GRIA3: variants seen among roughly 807,000 people sequenced by gnomAD.
GRIA3 encodes the protein glutamate receptor 3.
Under a neutral mutation model 63.0 loss-of-function variants are expected in GRIA3, and 3 were observed. That is an observed-to-expected ratio of 0.05 (90% CI 0.02 to 0.12). The LOEUF is 0.12. GRIA3 is among the 10% of genes least tolerant of loss of function. The probability of loss-of-function intolerance (pLI) is 1.00; values close to 1 mark genes in which losing one functional copy is unlikely to be tolerated. For synonymous variants in GRIA3, 274 were observed against 257.9 expected (o/e 1.06, Z -0.60); for missense variants, 347 against 700.9 (o/e 0.50, Z 5.70).
chrX:123,284,480 T>C (rs1020075282), intron 3 of GRIA3, among the ~76,000 whole-genome samples: 1 of 110,906 alleles, frequency 9.0e-6, no homozygotes, highest in Admixed American at 9.6e-5. Context: ...TTTAACCCAA[T>C]GCAAGGAAGC....
intron 4 of GRIA3, among the ~76,000 whole-genome samples, chrX:123,350,835 T>G (rs753871879): frequency 5.3e-5 from 6 of 112,499 alleles, no homozygotes; most frequent in African/African-American, 9.7e-5. Context: ...GATTGTGGCA[T>G]TTTTTTCTTT....
intron 3 of GRIA3, among the ~76,000 whole-genome samples, chrX:123,313,412 C>T (rs959507719): frequency 9.0e-6 from 1 of 111,201 alleles, no homozygotes; most frequent in African/African-American, 3.3e-5. Context: ...CTTAATATTA[C>T]CTTTGACAGC....
intron 2 of GRIA3, among the ~76,000 whole-genome samples, chrX:123,194,726 A>G (rs1927529137): frequency 8.9e-6 from 1 of 112,349 alleles, no homozygotes; most frequent in South Asian, 3.7e-4. Flanking sequence ...ACTAACGCAT[A>G]CTCAGTTTAG....
At chrX:123,186,768 A>AG (rs1287607412) in intron 2 of GRIA3, among the ~76,000 whole-genome samples, 1 of 111,595 alleles carries the variant, frequency 9.0e-6, no homozygotes, top group African/African-American at 3.3e-5. Flanking sequence ...TAGAGCAAAG[A>AG]GGGGGCAGGA....
At chrX:123,416,478 G>T (rs2045537148) in intron 10 of GRIA3, among the ~76,000 whole-genome samples, 1 of 112,029 alleles carries the variant, frequency 8.9e-6, no homozygotes, top group Non-Finnish European at 1.9e-5. Flanking sequence ...ACTTACTACT[G>T]TTGGAAAGGA....
intron 6 of GRIA3, among the ~76,000 whole-genome samples, chrX:123,397,987 G>T (rs1308427949): frequency 8.9e-6 from 1 of 111,786 alleles, no homozygotes; most frequent in Admixed American, 9.5e-5. Context: ...GCAAGAGGTG[G>T]CATCATGAAG....
At chrX:123,302,098 C>A (rs998730114) in intron 3 of GRIA3, among the ~76,000 whole-genome samples, 2 of 111,988 alleles carry the variant, frequency 1.8e-5, no homozygotes, top group Non-Finnish European at 1.9e-5. Context: ...AATGGTGTTT[C>A]TGTGCAAAGC....
intron 3 of GRIA3, among the ~76,000 whole-genome samples, chrX:123,301,733 T>C (rs1263145463): frequency 8.9e-6 from 1 of 111,742 alleles, no homozygotes; most frequent in Non-Finnish European, 1.9e-5. Context: ...TTCAACTCTT[T>C]ATTACATAAT....
At chrX:123,293,805 A>T (rs1030329502) in intron 3 of GRIA3, among the ~76,000 whole-genome samples, 1 of 110,887 alleles carries the variant, frequency 9.0e-6, no homozygotes, top group Non-Finnish European at 1.9e-5. Flanking sequence ...CCTCACGTAC[A>T]TTAACTCACT....
intron 5 of GRIA3, among the ~76,000 whole-genome samples, chrX:123,391,553 A>T (rs1285649670): frequency 9.0e-6 from 1 of 111,385 alleles, no homozygotes; most frequent in Admixed American, 9.5e-5. Flanking sequence ...CAGGTCAAAC[A>T]TACCTGTCCA....
At chrX:123,401,577 G>A (rs192360653) in intron 7 of GRIA3, among the ~76,000 whole-genome samples, 48 of 112,103 alleles carry the variant, frequency 4.3e-4, no homozygotes, top group African/African-American at 1.5e-3. Context: ...GCTAACAATA[G>A]TGCTTAGGTT....
chrX:123,255,739 A>G (rs1442397521), intron 3 of GRIA3, among the ~76,000 whole-genome samples: 6 of 109,411 alleles, frequency 5.5e-5, no homozygotes, highest in African/African-American at 2.0e-4. Context: ...AGTCAAAGAA[A>G]GCTTTCTGAC....
intron 5 of GRIA3, among the ~76,000 whole-genome samples, chrX:123,375,958 G>A (rs779141055): frequency 9.8e-5 from 11 of 112,405 alleles, no homozygotes; most frequent in Non-Finnish European, 1.7e-4. Flanking sequence ...CTCAAGAAAT[G>A]AAAAACTAGC....
At chrX:123,424,265 C>T in intron 11 of GRIA3, among the ~76,000 whole-genome samples, 1 of 111,603 alleles carries the variant, frequency 9.0e-6, no homozygotes, top group Non-Finnish European at 1.9e-5. Flanking sequence ...GGGATTGACC[C>T]ATCAGTCACT....
chrX:123,376,340 T>C (rs367904262), intron 5 of GRIA3, among the ~76,000 whole-genome samples: 2 of 112,094 alleles, frequency 1.8e-5, no homozygotes, highest in East Asian at 2.8e-4. Context: ...AGAAAAAAAA[T>C]TGGGCTTTCA....
intron 4 of GRIA3, among the ~76,000 whole-genome samples, chrX:123,333,498 A>T (rs2044954932): frequency 8.9e-6 from 1 of 111,774 alleles, no homozygotes; most frequent in African/African-American, 3.2e-5. Context: ...TTCTTTTTTA[A>T]GTATTTGTAA....
chrX:123,277,344 T>C (rs1217517330), intron 3 of GRIA3, among the ~76,000 whole-genome samples: 2 of 111,702 alleles, frequency 1.8e-5, no homozygotes, highest in Non-Finnish European at 3.8e-5. Flanking sequence ...TGCTATCAAA[T>C]AGTAGATATT....
At chrX:123,463,541 C>T (rs150249660) in intron 12 of GRIA3, among the ~76,000 whole-genome samples, 2,264 of 67,838 alleles carry the variant, frequency 0.033, 167 homozygotes, top group African/African-American at 0.17. Context: ...CAGAGTGAGA[C>T]GAAAGAAGCG....
chrX:123,401,023 G>A lies in GRIA3; in HGVS notation c.1081-1971G>A, dbSNP rs191381671. ...GAGGTAAAAAAATGTCTCTCATCTC[G>A]AGATGCTCCTAATCCAGTAGGAAAG... On this transcript the variant is annotated intron_variant, in intron 7 of 15. Coordinates refer to ENST00000620443, the MANE Select transcript of GRIA3 (RefSeq NM_007325.5). 1.9e-3 allele frequency among the ~76,000 whole-genome samples: 217 copies of A among 111,716 alleles called. No homozygotes were observed. The Middle Eastern group carries it at 0.023, about 12-fold the overall frequency.
Sources: allele counts gnomAD v4.1 joint callset (sites outside exome capture counted in the v4.1 genomes callset), GRCh38; gene constraint gnomAD v4.1.1; transcripts MANE v1.5; gene names NCBI Gene and HGNC (gene_info 2026-07-23, HGNC 2026-07-21).